R3HDM1: variants seen among roughly 807,000 people sequenced by gnomAD.
R3HDM1 encodes R3H domain containing 1.
A neutral mutation model predicts 141.1 loss-of-function variants in R3HDM1; 46 were observed. The ratio of observed to expected loss-of-function variants is 0.33; its 90% confidence interval spans 0.26 to 0.42. The LOEUF is 0.42. R3HDM1 is among the 10% of genes least tolerant of loss of function. The pLI, the probability that R3HDM1 is intolerant of heterozygous loss-of-function variation, is 1.00. For missense variants in R3HDM1, 1,184 were observed against 1,368.3 expected, an observed-to-expected ratio of 0.87 and a Z score of 2.12; for synonymous variants, 435 against 472.9, an observed-to-expected ratio of 0.92 and a Z score of 1.04.
At position 135,709,553 on chromosome 2, in the gene R3HDM1, G is replaced by T; in HGVS notation, c.2563+17G>T. 1 of 1,611,066 alleles carries T rather than the reference G, an allele frequency of 6.2e-7. No homozygotes were observed. Among genetic ancestry groups the T allele is most frequent in the Non-Finnish European group, 8.5e-7 (1 of 1,178,304 alleles). ...AATGTACAGGTATAAAGAAATCAGT[G>T]AAAATAAGATGATTGGTTCATATGA... On this transcript the variant is annotated intron_variant, in intron 22 of 26. Coordinates refer to ENST00000683871, the MANE Select transcript of R3HDM1 (RefSeq NM_001378107.1).
chr2:135,588,486 C>G (rs1359889852), intron 1 of R3HDM1, among the ~76,000 whole-genome samples: 2 of 152,010 alleles, frequency 1.3e-5, no homozygotes, highest in Non-Finnish European at 2.9e-5. Flanking sequence ...TCATTGGAGC[C>G]AGATCTGCAC....
chr2:135,650,361 C>A (rs1350642223), intron 17 of R3HDM1: 5 of 984,790 alleles, frequency 5.1e-6, no homozygotes, highest in East Asian at 2.3e-4. Context: ...CTATTTTCTC[C>A]CCAACACTGT....
rs534209784 is a variant in R3HDM1 at position 135,658,524 on chromosome 2, C to T, written c.2029-2746C>T. ...TGCACTTAACCATGTATGCAGCTTG[C>T]AGGACTGTAAGTTGTTCTAGGTGAA... On this transcript the variant is annotated intron_variant, in intron 18 of 26. Transcript: ENST00000683871. Among the ~76,000 whole-genome samples the T allele has an allele frequency of 1.8e-4, 27 of 152,242 alleles. No individual in the cohort carries two copies. The South Asian group carries it at 5.6e-3, about 32-fold the overall frequency.
intron 1 of R3HDM1, among the ~76,000 whole-genome samples, chr2:135,594,613 G>T (rs1230087290): frequency 6.6e-6 from 1 of 152,100 alleles, no homozygotes; most frequent in Admixed American, 6.6e-5. Context: ...TAGCAAATAG[G>T]TTCGGGGTAA....
intron 1 of R3HDM1, among the ~76,000 whole-genome samples, chr2:135,578,497 TTACG>T (rs1399267410): frequency 1.3e-5 from 2 of 152,174 alleles, no homozygotes; most frequent in Admixed American, 6.6e-5. Context: ...TGGTAATTTT[TTACG>T]TAGTCTCCAG....
At chr2:135,699,033 AGAT>A (rs1559465916) in intron 21 of R3HDM1, among the ~76,000 whole-genome samples, 38 of 86,346 alleles carry the variant, frequency 4.4e-4, no homozygotes, top group African/African-American at 5.1e-4. Context: ...ATAGATAGAT[AGAT>A]AGATAGATAA....
rs766178128 is a variant in R3HDM1 at position 135,715,666 on chromosome 2, A to G, written c.2853A>G (p.Gln951=). ...PSGPPLSIMP[Q]FSRPFVPGQG... The stretch of plus-strand genomic sequence containing the variant: ...GACCACCACTTTCCATCATGCCCCA[A>G]TTTTCTAGACCTTTTGTCCCCGGGC... Residue 951 remains glutamine (Q), a synonymous_variant, in exon 24 of 27, where the codon CAA becomes CAG. Coordinates refer to ENST00000683871, the MANE Select transcript of R3HDM1 (RefSeq NM_001378107.1). The G allele has an allele frequency of 6.8e-6, 11 of 1,613,482 alleles. 1 individual carries two copies. Among genetic ancestry groups the G allele is most frequent in the Middle Eastern group, 1.7e-4 (1 of 6,060 alleles).
chr2:135,572,614 G>A (rs762902847), intron 1 of R3HDM1, among the ~76,000 whole-genome samples: 17 of 152,176 alleles, frequency 1.1e-4, no homozygotes, highest in Non-Finnish European at 2.4e-4. Context: ...ACAAATTGCT[G>A]GGGAAACAGG....
At chr2:135,637,011 AG>A (rs2063329002) in intron 11 of R3HDM1, among the ~76,000 whole-genome samples, 1 of 152,192 alleles carries the variant, frequency 6.6e-6, no homozygotes, top group South Asian at 2.1e-4. Context: ...AGATTCCAGG[AG>A]GCTAAAATAG....
intron 7 of R3HDM1, among the ~76,000 whole-genome samples, chr2:135,630,281 CAAAAAAAAAAAAAAA>C (rs911009655): frequency 6.6e-4 from 26 of 39,318 alleles, no homozygotes; most frequent in East Asian, 3.8e-3. Flanking sequence ...CCTTCTCAAC[CAAAAAAAAAAAAAAA>C]AAAAAAAAAA....
intron 24 of R3HDM1, among the ~76,000 whole-genome samples, chr2:135,718,666 G>A: frequency 6.6e-6 from 1 of 152,076 alleles, no homozygotes; most frequent in East Asian, 1.9e-4. Flanking sequence ...ATTTTCGGTA[G>A]AGACAGGGTT....
intron 1 of R3HDM1, among the ~76,000 whole-genome samples, chr2:135,582,092 C>A (rs1706936401): frequency 6.6e-6 from 1 of 152,158 alleles, no homozygotes; most frequent in African/African-American, 2.4e-5. Context: ...CTTTGGGAAG[C>A]CCAAGTGGGC....
In R3HDM1 at chr2:135,641,736, C is replaced by T. The variant is rs777427294; in HGVS notation, c.1420C>T (p.Pro474Ser). 65 of 1,613,984 alleles carry T rather than the reference C, an allele frequency of 4.0e-5. No individual in the cohort carries two copies. The East Asian group carries it at 1.3e-3, about 33-fold the overall frequency. Residue 474 changes from proline to serine, a missense_variant, in exon 15 of 27, where the codon CCC becomes TCC. Transcript: ENST00000683871. ...ASPSTSFFLL[P>S]LEAAGIPPGS... ...TCCTAGCACTAGCTTCTTTTTGCTT[C>T]CCTTGGAAGCGGCAGGCATACCACC...
chr2:135,572,664 C>T (rs770809887), intron 1 of R3HDM1, among the ~76,000 whole-genome samples: 38 of 152,230 alleles, frequency 2.5e-4, no homozygotes, highest in Non-Finnish European at 4.7e-4. Context: ...GATATATAGG[C>T]AAGAGAAATG....
At chr2:135,662,936 G>A (rs1383818627) in intron 19 of R3HDM1, among the ~76,000 whole-genome samples, 7 of 151,632 alleles carry the variant, frequency 4.6e-5, no homozygotes, top group African/African-American at 1.5e-4. Flanking sequence ...ATATCCTTGC[G>A]TGTGACTAAT....
chr2:135,708,422 G>A (rs537953395), intron 21 of R3HDM1, among the ~76,000 whole-genome samples: 3 of 152,110 alleles, frequency 2.0e-5, no homozygotes, highest in Non-Finnish European at 4.4e-5. Context: ...TTTGTATAAA[G>A]TTTAATGCAA....
intron 23 of R3HDM1, 97 bp downstream of exon 23, chr2:135,710,328 T>A: frequency 7.5e-7 from 1 of 1,339,106 alleles, no homozygotes; most frequent in Non-Finnish European, 1.0e-6. Flanking sequence ...TCAGCCAGAT[T>A]AATAAAAGAA....
rs191825219 is a variant in R3HDM1 at position 135,620,588 on chromosome 2, A to G, written c.304-906A>G. On this transcript the variant is annotated intron_variant, in intron 5 of 26. Coordinates refer to ENST00000683871, the MANE Select transcript of R3HDM1 (RefSeq NM_001378107.1). ...AGCAGGTAGCAGTCCTATTGGGGTA[A>G]AAAGTCTACGTGTCTGATTGATGGT... The G allele has an allele frequency of 6.9e-4, 677 of 982,150 alleles. 1 individual carries two copies. Among genetic ancestry groups the G allele is most frequent in the Admixed American group, 1.5e-3 (25 of 16,276 alleles). 60.8% of individuals were successfully genotyped at this position (982,150 alleles called of 1,614,324 possible).
At chr2:135,597,228 C>A (rs746229300) in intron 1 of R3HDM1, 11 of 978,752 alleles carry the variant, frequency 1.1e-5, no homozygotes, top group Non-Finnish European at 1.3e-5. Context: ...TCATCATTAA[C>A]CTCTTCATGG....
Sources: gnomAD v4.1 joint callset for allele counts (sites outside exome capture counted in the v4.1 genomes callset) on GRCh38, gnomAD v4.1.1 for gene constraint, MANE v1.5 for transcripts, NCBI Gene and HGNC (gene_info 2026-07-23, HGNC 2026-07-21) for gene names.